Variants in SRBD1 observed in about 807,000 individuals in gnomAD.
SRBD1 encodes the protein S1 RNA-binding domain-containing protein 1.
A neutral mutation model predicts 115.3 loss-of-function variants in SRBD1; 88 were observed. That is an observed-to-expected ratio of 0.76 (90% CI 0.64 to 0.91). SRBD1 has a LOEUF of 0.91. Ranked by LOEUF, SRBD1 falls within the 40% of genes least tolerant of loss-of-function variation. SRBD1 has a pLI of 0.00. For missense variants in SRBD1, 1,385 were observed against 1,177.4 expected, an observed-to-expected ratio of 1.18 and a Z score of -2.58; for synonymous variants, 509 against 407.7, an observed-to-expected ratio of 1.25 and a Z score of -2.99.
At chr2:45,606,664 G>A (rs1047498946) in intron 1 of SRBD1, among the ~76,000 whole-genome samples, 4 of 152,076 alleles carry the variant, frequency 2.6e-5, no homozygotes, top group East Asian at 1.9e-4. Context: ...AGGCCAAGCT[G>A]TAAAAAAAAG....
intron 9 of SRBD1, among the ~76,000 whole-genome samples, chr2:45,570,765 T>G (rs188554857): frequency 2.0e-5 from 3 of 152,164 alleles, no homozygotes; most frequent in Admixed American, 1.3e-4. Flanking sequence ...AGGAGCAATA[T>G]GGACCTTATT....
chr2:45,482,159 C>G (rs1321018942), intron 15 of SRBD1, among the ~76,000 whole-genome samples: 1 of 151,982 alleles, frequency 6.6e-6, no homozygotes, highest in Non-Finnish European at 1.5e-5. Flanking sequence ...TGTAGTATGT[C>G]CAAATGTATG....
intron 20 of SRBD1, among the ~76,000 whole-genome samples, chr2:45,390,868 C>G (rs140743240): frequency 1.3e-5 from 2 of 152,210 alleles, no homozygotes; most frequent in South Asian, 2.1e-4. Context: ...AAAATGAGTA[C>G]GCTAAAATTG....
At chr2:45,587,024 A>G (rs1462294348) in intron 4 of SRBD1, among the ~76,000 whole-genome samples, 4 of 127,178 alleles carry the variant, frequency 3.1e-5, no homozygotes, top group African/African-American at 9.7e-5. Context: ...TATAAATATT[A>G]AAATATTTAA....
At chr2:45,555,262 G>A (rs530570206) in intron 10 of SRBD1, among the ~76,000 whole-genome samples, 7 of 152,284 alleles carry the variant, frequency 4.6e-5, no homozygotes, top group African/African-American at 1.7e-4. Flanking sequence ...GTGTGTGCCT[G>A]TAGTCCCTGC....
chr2:45,585,899 TA>T (rs138009039), intron 4 of SRBD1, 125 bp from the exon 5 acceptor site: 47,760 of 709,880 alleles, frequency 0.067, 6,412 homozygotes, highest in African/African-American at 0.46. Context: ...TATAGTTTTT[TA>T]AAAAAAAGAA....
At chr2:45,532,993 CT>C (rs1430264345) in intron 14 of SRBD1, among the ~76,000 whole-genome samples, 13 of 152,032 alleles carry the variant, frequency 8.6e-5, no homozygotes, top group African/African-American at 3.1e-4. Context: ...CAAAATAATT[CT>C]TCACAACCCA....
intron 15 of SRBD1, among the ~76,000 whole-genome samples, chr2:45,482,528 A>AT (rs1182736613): frequency 2.0e-5 from 3 of 151,936 alleles, no homozygotes; most frequent in Non-Finnish European, 4.4e-5. Context: ...AATTACAGAG[A>AT]TTTTACGTAC....
At chr2:45,439,642 C>A (rs529630956) in intron 16 of SRBD1, among the ~76,000 whole-genome samples, 1 of 151,694 alleles carries the variant, frequency 6.6e-6, no homozygotes, top group African/African-American at 2.4e-5. Flanking sequence ...ATGGGACAAA[C>A]AAAGCAAACA....
intron 1 of SRBD1, among the ~76,000 whole-genome samples, chr2:45,608,827 T>TC (rs1674353754): frequency 6.6e-6 from 1 of 151,934 alleles, no homozygotes. Context: ...AAAAAATTTT[T>TC]TTTTTTTTTT....
chr2:45,403,668 G>A (rs1248003628), intron 19 of SRBD1, among the ~76,000 whole-genome samples: 5 of 152,016 alleles, frequency 3.3e-5, no homozygotes, highest in African/African-American at 1.2e-4. Context: ...ACAATTGAAG[G>A]AGCTCATGGC....
intron 4 of SRBD1, among the ~76,000 whole-genome samples, chr2:45,599,097 A>G (rs1674002725): frequency 6.6e-6 from 1 of 152,180 alleles, no homozygotes; most frequent in Non-Finnish European, 1.5e-5. Context: ...TGACCTAATC[A>G]CCTACACTGC....
chr2:45,606,088 T>C (rs1011840541), intron 1 of SRBD1, among the ~76,000 whole-genome samples: 1 of 151,734 alleles, frequency 6.6e-6, no homozygotes, highest in African/African-American at 2.4e-5. Flanking sequence ...ATGGTAATAA[T>C]ATCAGGCAGC....
intron 9 of SRBD1, among the ~76,000 whole-genome samples, chr2:45,571,116 G>A (rs990385308): frequency 3.9e-5 from 6 of 152,228 alleles, no homozygotes; most frequent in Non-Finnish European, 7.4e-5. Flanking sequence ...TTCACCTCTA[G>A]ATGAACTTTG....
At chr2:45,460,112 G>A (rs774214910) in intron 16 of SRBD1, among the ~76,000 whole-genome samples, 59 of 151,986 alleles carry the variant, frequency 3.9e-4, no homozygotes, top group South Asian at 6.2e-4. Context: ...AAGAAAACAC[G>A]TCCTGGCTCA....
intron 4 of SRBD1, among the ~76,000 whole-genome samples, chr2:45,588,876 A>G (rs779767948): frequency 6.6e-6 from 1 of 152,232 alleles, no homozygotes; most frequent in Non-Finnish European, 1.5e-5. Context: ...ACATAGGTCA[A>G]TAAATCTCCT....
At chr2:45,593,221 T>C (rs912309627) in intron 4 of SRBD1, among the ~76,000 whole-genome samples, 9 of 152,174 alleles carry the variant, frequency 5.9e-5, no homozygotes, top group Non-Finnish European at 1.3e-4. Context: ...TAAACTCATT[T>C]AAACTATATG....
At chr2:45,506,921 C>CT (rs891974041) in intron 14 of SRBD1, among the ~76,000 whole-genome samples, 7 of 152,168 alleles carry the variant, frequency 4.6e-5, no homozygotes, top group Non-Finnish European at 1.0e-4. Context: ...TGTCTGCTGT[C>CT]TTTTTTCCCA....
At chr2:45,540,718 G>T (rs761412274) in intron 14 of SRBD1, among the ~76,000 whole-genome samples, 1 of 152,124 alleles carries the variant, frequency 6.6e-6, no homozygotes, top group African/African-American at 2.4e-5. Flanking sequence ...GATTTGAACA[G>T]ATACCTCACT....
Sources: allele counts gnomAD v4.1 joint callset (sites outside exome capture counted in the v4.1 genomes callset), GRCh38; gene constraint gnomAD v4.1.1; transcripts MANE v1.5; gene names NCBI Gene and HGNC (gene_info 2026-07-23, HGNC 2026-07-21).